GBP3: variants seen among roughly 807,000 people sequenced by gnomAD.
The protein encoded by GBP3 is guanylate-binding protein 3.
Under a neutral mutation model 62.4 loss-of-function variants are expected in GBP3, and 55 were observed. The ratio of observed to expected loss-of-function variants is 0.88; its 90% CI spans 0.71 to 1.10. GBP3 has a LOEUF of 1.10. Among genes scored for constraint, GBP3 ranks in the 50% least tolerant of loss-of-function variants. The pLI, the probability that GBP3 is intolerant of heterozygous loss-of-function variation, is 0.00. For missense variants in GBP3, 605 were observed against 690.6 expected (o/e 0.88, Z 1.39); for synonymous variants, 208 against 259.2 (o/e 0.80, Z 1.90).
In GBP3 at chr1:89,012,005, G is replaced by A. The variant is rs1337701840; in HGVS notation, c.891C>T (p.Thr297=). The change falls in exon 7 of 11, where the codon ACC becomes ACT. Residue 297 remains threonine, a synonymous_variant. Transcript: ENST00000370481. The part of the protein sequence containing the change: ...NGPRLESLVL[T]YINAISRGDL... ...CCCCTCTGCTGATAGCATTGATATA[G>A]GTCAGCACTAGGCTCTCTAGACCTA... 6 of 1,462,046 alleles carry A rather than the reference G, an allele frequency of 4.1e-6. 1 individual carries two copies. The highest frequency in any genetic ancestry group is 5.7e-6 in the Non-Finnish European group (6 of 1,055,042). The allele number at this position is 1,462,046 out of a possible 1,614,324, so 90.6% of individuals were successfully genotyped here. A position where few individuals can be genotyped will look rare whatever the true frequency, so the allele number is the denominator to read the frequency against.
chr1:89,017,205 C>T (rs1353407160), intron 2 of GBP3, among the ~76,000 whole-genome samples: 4 of 151,816 alleles, frequency 2.6e-5, no homozygotes, highest in Admixed American at 1.3e-4. Context: ...AATGAACTCT[C>T]ACATCTATAG....
intron 2 of GBP3, among the ~76,000 whole-genome samples, chr1:89,015,676 G>A (rs1342439767): frequency 4.0e-5 from 6 of 149,982 alleles, no homozygotes; most frequent in Admixed American, 3.3e-4. Context: ...CCCAGGAGGC[G>A]GAGGTTGCAG....
In GBP3 at chr1:89,008,762, A is replaced by G. The variant is rs1678380035; in HGVS notation, c.1659+185T>C. On this transcript the variant is annotated intron_variant, in intron 10 of 10. Transcript: ENST00000370481. ...GGACTGAATGTGACACCCTGCAAATAAACTTTTAGTGACCACATGTAGGCA... is the reference window on the plus strand; with the variant it reads ...GGACTGAATGTGACACCCTGCAAATGAACTTTTAGTGACCACATGTAGGCA... 5.3e-6 allele frequency: 6 copies of G among 1,138,506 alleles called. No homozygotes were observed. In the East Asian group the frequency reaches 1.3e-4, roughly 25 times the overall value. The allele number at this position is 1,138,506 out of a possible 1,614,324, so 70.5% of individuals were successfully genotyped here.
intron 2 of GBP3, among the ~76,000 whole-genome samples, chr1:89,015,879 G>A (rs781714538): frequency 2.0e-4 from 31 of 152,008 alleles, no homozygotes; most frequent in Non-Finnish European, 4.1e-4. Flanking sequence ...CTCTAATATG[G>A]GAACAAGGAA....
intron 1 of GBP3, 71 bp from the exon 2 acceptor site, chr1:89,020,814 C>A: frequency 7.0e-7 from 1 of 1,423,750 alleles, no homozygotes; most frequent in Non-Finnish European, 9.6e-7. Flanking sequence ...TCACAGAATT[C>A]CCCAGGATGG....
At chr1:89,009,262 A>T in intron 9 of GBP3, 122 bp from the exon 10 acceptor site, 1 of 1,371,588 alleles carries the variant, frequency 7.3e-7, no homozygotes, top group Non-Finnish European at 1.0e-6. Flanking sequence ...CTCAACAAGT[A>T]AGACATGTCT....
rs774434049 is a variant in GBP3 at position 89,009,448 on chromosome 1, G to C, written c.1409C>G (p.Thr470Ser). 2.5e-6 allele frequency: 4 copies of C among 1,613,932 alleles called. No individual in the cohort carries two copies. Among genetic ancestry groups the C allele is most frequent in the Non-Finnish European group, 3.4e-6 (4 of 1,180,010 alleles). Residue 470 changes from threonine to serine, a missense_variant, in exon 9 of 11, where the codon ACC becomes AGC. By Grantham distance (58) the Thr-to-Ser change is moderately conservative. Around this residue, in one of 3 missense-constraint regions of GBP3, gnomAD observed 160 missense variants for 147.8 expected, o/e 1.08. Coordinates refer to ENST00000370481, the MANE Select transcript of GBP3 (RefSeq NM_018284.3). ...CTGGTCTGTCTGTAGAATTGCATCG[G>C]TCACAGACTCCTTGGATTTCAAGTA... ...QTYLKSKESVTDAILQTDQIL... is the reference protein window; with the variant it reads ...QTYLKSKESVSDAILQTDQIL...
In GBP3 at chr1:89,010,963, T is replaced by C; in HGVS notation, c.1303A>G (p.Ile435Val). 1.4e-6 allele frequency: 2 copies of C among 1,461,746 alleles called. No individual in the cohort carries two copies. Among genetic ancestry groups the C allele is most frequent in the Admixed American group, 1.8e-5 (1 of 55,876 alleles). The allele number at this position is 1,461,746 out of a possible 1,614,324, so 90.5% of individuals were successfully genotyped here. A position where few individuals can be genotyped will look rare whatever the true frequency, so the allele number is the denominator to read the frequency against. The change falls in exon 8 of 11, where the codon ATT (isoleucine) becomes GTT (valine). Residue 435 changes from isoleucine to valine, a missense_variant. Ile to Val is a conservative substitution (Grantham distance 29). Around this residue, in one of 3 missense-constraint regions of GBP3, gnomAD observed 137 missense variants for 224.7 expected, o/e 0.61. Transcript: ENST00000370481. Reference sequence around the variant, plus strand: ...TTCTCCAGGTCTTGTAGCTTCTGAATAAAGAGACAATAGCCCCCTGGTTTC... The same window carrying C: ...TTCTCCAGGTCTTGTAGCTTCTGAACAAAGAGACAATAGCCCCCTGGTTTC... ...YSKPGGYCLF[I>V]QKLQDLEKKY...
chr1:89,009,346 A>T, intron 9 of GBP3, 46 bp downstream of exon 9: 1 of 1,575,024 alleles, frequency 6.3e-7, no homozygotes, highest in African/African-American at 1.4e-5. Flanking sequence ...ATTATTTAAA[A>T]TTTGAAAAGC....
intron 1 of GBP3, among the ~76,000 whole-genome samples, chr1:89,021,510 G>GCGCGCGCACACACACACA (rs751639388): frequency 4.1e-4 from 54 of 131,730 alleles, no homozygotes; most frequent in African/African-American, 1.4e-3. Context: ...GCGCGCGCGC[G>GCGCGCGCACACACACACA]CACACACACA....
intron 2 of GBP3, 78 bp downstream of exon 2, chr1:89,020,454 T>G: frequency 2.6e-6 from 4 of 1,555,418 alleles, no homozygotes; most frequent in Non-Finnish European, 3.5e-6. Context: ...CAGCTTTCTC[T>G]CCTCACATCC....
At chr1:89,022,130 G>A (rs1377140479) in intron 1 of GBP3, among the ~76,000 whole-genome samples, 1 of 151,894 alleles carries the variant, frequency 6.6e-6, no homozygotes, top group Non-Finnish European at 1.5e-5. Context: ...CTGAAACAAA[G>A]TTCAAATGTG....
rs937259743 is a variant in GBP3 at position 89,022,723 on chromosome 1, C to T, written c.-62G>A. On this transcript the variant is annotated 5_prime_UTR_variant, in exon 1 of 11. Coordinates refer to ENST00000370481, the MANE Select transcript of GBP3 (RefSeq NM_018284.3). ...TCAGTCCAGGTAAAGTTGTTTCTGT[C>T]ACTTCTCTTTTCTTTCGCTGGATCG... is the stretch of plus-strand genomic sequence containing the variant. The T allele has an allele frequency of 6.6e-6, 1 of 152,220 alleles. No homozygotes were observed. Among genetic ancestry groups the T allele is most frequent in the Non-Finnish European group, 1.5e-5 (1 of 68,050 alleles). 9.4% of individuals were successfully genotyped at this position (152,220 alleles called of 1,614,324 possible).
Position 89,013,306 on chromosome 1 carries a change from C to T in GBP3, c.747G>A (p.Glu249=), listed in dbSNP as rs753305159. The T allele has an allele frequency of 3.1e-6, 5 of 1,614,230 alleles. No individual in the cohort carries two copies. The highest frequency in any genetic ancestry group is 4.2e-6 in the Non-Finnish European group (5 of 1,180,048). The change falls in exon 6 of 11, where the codon GAG becomes GAA. Residue 249 remains glutamate (E), a synonymous_variant. Transcript: ENST00000370481. The part of the protein sequence containing the change: ...PIHRRKLAQL[E]KLQDEELDPE... ...GGTCCAGCTCTTCATCTTGTAGTTT[C>T]TCAAGCTGGGCAAGCTTCCTGCGGT...
chr1:89,014,277 T>C lies in GBP3; in HGVS notation c.431A>G (p.Tyr144Cys). ...INQQAMDQLY[Y>C]VTELTHRIRS... ...GATTCGATGTGTCAGCTCTGTCACA[T>C]AGCTGAGTAGCTAACTAAGGAAATG... Residue 144 changes from tyrosine (Y) to cysteine (C), a missense_variant and splice_region_variant, in exon 5 of 11, where the codon TAT becomes TGT. Physicochemically the swap from Tyr to Cys is radical, Grantham distance 194. This residue lies in a region of GBP3 where 308 missense variants were observed against 318.0 expected (regional missense o/e 0.97). Coordinates refer to ENST00000370481, the MANE Select transcript of GBP3 (RefSeq NM_018284.3). 2.5e-6 allele frequency: 4 copies of C among 1,614,142 alleles called. No homozygotes were observed. Among genetic ancestry groups the C allele is most frequent in the Middle Eastern group, 1.6e-4 (1 of 6,062 alleles).
At position 89,020,872 on chromosome 1, in the gene GBP3, T is replaced by C; in HGVS notation, c.-22-129A>G. 8.6e-6 allele frequency: 6 copies of C among 694,366 alleles called. No homozygotes were observed. The Admixed American group carries it at 8.8e-5, about 10-fold the overall frequency. 43.0% of individuals were successfully genotyped at this position (694,366 alleles called of 1,614,324 possible). A position where few individuals can be genotyped will look rare whatever the true frequency, so the allele number is the denominator to read the frequency against. ...TGAGAGAGATGAGGGAAAATGTGTA[T>C]CATTTTAAAAAATTATGGAAGTATT... On this transcript the variant is annotated intron_variant, in intron 1 of 10. Coordinates refer to ENST00000370481, the MANE Select transcript of GBP3 (RefSeq NM_018284.3).
In GBP3 at chr1:89,007,550, T is replaced by C. The variant is rs1290498821; in HGVS notation, c.*174A>G. ...AGGTAAATGCATCTTTGTTGCACAA[T>C]TTACAATCTTTTTAAGGAAAAAACA... On this transcript the variant is annotated 3_prime_UTR_variant, in exon 11 of 11. Coordinates refer to ENST00000370481, the MANE Select transcript of GBP3 (RefSeq NM_018284.3). 1 of 653,104 alleles carries C rather than the reference T, an allele frequency of 1.5e-6. No individual in the cohort carries two copies. The highest frequency in any genetic ancestry group is 2.6e-6 in the Non-Finnish European group (1 of 384,508). 40.5% of individuals were successfully genotyped at this position (653,104 alleles called of 1,614,324 possible).
intron 6 of GBP3, among the ~76,000 whole-genome samples, chr1:89,012,941 A>G (rs12136765): frequency 0.16 from 19,241 of 122,790 alleles, 3,332 homozygotes; most frequent in Non-Finnish European, 0.24. Flanking sequence ...AGGTTCAAGC[A>G]ATTCTCCTGC....
At chr1:89,009,963 G>A (rs1037616165) in intron 8 of GBP3, among the ~76,000 whole-genome samples, 4 of 152,036 alleles carry the variant, frequency 2.6e-5, no homozygotes, top group African/African-American at 7.2e-5. Context: ...AACCTAAAAC[G>A]ATGAATTACC....
Sources: gnomAD v4.1 joint callset for allele counts (sites outside exome capture counted in the v4.1 genomes callset) on GRCh38, gnomAD v4.1.1 for gene constraint, gnomAD v4.1.1 regional missense constraint, MANE v1.5 for transcripts, NCBI Gene and HGNC (gene_info 2026-07-23, HGNC 2026-07-21) for gene names.